TRIM36: variants seen among roughly 807,000 people sequenced by gnomAD.
TRIM36 encodes E3 ubiquitin-protein ligase TRIM36.
In TRIM36, 42 loss-of-function variants were observed where a neutral mutation model predicts 72.4. The observed-to-expected ratio is 0.58, with a 90% CI of 0.45 to 0.75. TRIM36 has a LOEUF of 0.75. TRIM36 is among the 30% of genes least tolerant of loss of function. The pLI is 0.00. For missense variants in TRIM36, 913 were observed against 857.1 expected (o/e 1.07, Z -0.81); for synonymous variants, 315 against 282.8 (o/e 1.11, Z -1.14).
At chr5:115,142,921 A>G (rs923492863) in intron 4 of TRIM36, among the ~76,000 whole-genome samples, 1 of 152,182 alleles carries the variant, frequency 6.6e-6, no homozygotes, top group Non-Finnish European at 1.5e-5. Flanking sequence ...ACACTAGTGT[A>G]TATCAGAGTC....
intron 2 of TRIM36, among the ~76,000 whole-genome samples, chr5:115,160,831 C>G (rs531115794): frequency 1.3e-5 from 2 of 152,074 alleles, no homozygotes; most frequent in African/African-American, 2.4e-5. Context: ...AGGTAACAAA[C>G]AGAGTGAGAC....
chr5:115,136,327 C>T (rs975758080), intron 7 of TRIM36, among the ~76,000 whole-genome samples: 3 of 151,882 alleles, frequency 2.0e-5, no homozygotes, highest in Non-Finnish European at 4.4e-5. Context: ...TGTGAAGACA[C>T]AAGGAGAAGA....
At chr5:115,173,962 C>T (rs930464650), upstream of TRIM36, 1 of 152,192 alleles carries the variant, frequency 6.6e-6, no homozygotes, top group African/African-American at 2.4e-5. Context: ...AGCTCTCTCA[C>T]ATCCATCTAC....
intron 2 of TRIM36, among the ~76,000 whole-genome samples, chr5:115,162,662 C>T (rs920452467): frequency 6.6e-6 from 1 of 151,886 alleles, no homozygotes; most frequent in African/African-American, 2.4e-5. Flanking sequence ...TTTCTTTGGT[C>T]AATCAAGCAT....
At chr5:115,164,408 T>G (rs1335826386) in intron 1 of TRIM36, among the ~76,000 whole-genome samples, 1 of 152,174 alleles carries the variant, frequency 6.6e-6, no homozygotes, top group Non-Finnish European at 1.5e-5. Context: ...GCTGGGTAAT[T>G]TATAAAGAAA....
At chr5:115,179,919 C>G in intron 1 of TRIM36, 2 of 1,522,950 alleles carry the variant, frequency 1.3e-6, no homozygotes, top group Non-Finnish European at 1.8e-6. Context: ...AGTGGCGGGC[C>G]AGGTAGTGCC....
rs1432836029 is a variant in TRIM36 at position 115,146,923 on chromosome 5, G to C, written c.588+146C>G. 15 of 821,884 alleles carry C rather than the reference G, an allele frequency of 1.8e-5. No homozygotes were observed. In the South Asian group the frequency reaches 2.9e-4, roughly 16 times the overall value. 50.9% of individuals were successfully genotyped at this position (821,884 alleles called of 1,614,324 possible). Reference sequence around the variant, plus strand: ...CATAGTAAGTAACTCCAGCCAACTAGGCCTTAAGTTCTTATACCTGCTTTT... The same window carrying C: ...CATAGTAAGTAACTCCAGCCAACTACGCCTTAAGTTCTTATACCTGCTTTT... On this transcript the variant is annotated intron_variant, in intron 3 of 9. Transcript: ENST00000513154.
chr5:115,169,600 G>A lies in TRIM36; in HGVS notation c.27+8C>T, dbSNP rs957746757. The A allele has an allele frequency of 1.6e-5, 24 of 1,520,648 alleles. No homozygotes were observed. In the African/African-American group the frequency reaches 3.2e-4, roughly 20 times the overall value. The allele number at this position is 1,520,648 out of a possible 1,614,324, so 94.2% of individuals were successfully genotyped here. A position where few individuals can be genotyped will look rare whatever the true frequency, so the allele number is the denominator to read the frequency against. ...CGAGGTGGGGGCGGCGGTCCCCTCC[G>A]CACTCACCGGCGAATCTGAGCCATC... On this transcript the variant is annotated splice_region_variant and intron_variant, in intron 1 of 9. Coordinates refer to ENST00000513154, the MANE Select transcript of TRIM36 (RefSeq NM_001300759.2).
rs1755006621 is a variant in TRIM36, at chr5:115,169,868, C to T, written c.-234G>A. 1 of 1,305,686 alleles carries T rather than the reference C, an allele frequency of 7.7e-7. No homozygotes were observed. The highest frequency in any genetic ancestry group is 2.9e-4 in the Middle Eastern group (1 of 3,494). The allele number at this position is 1,305,686 out of a possible 1,614,324, so 80.9% of individuals were successfully genotyped here. A position where few individuals can be genotyped will look rare whatever the true frequency, so the allele number is the denominator to read the frequency against. ...GCTCCCAGCGACTACCCCGGGAATCCCGCCCAGCTGCCGGCTGCAGCAGCG... is the reference window on the plus strand; with the variant it reads ...GCTCCCAGCGACTACCCCGGGAATCTCGCCCAGCTGCCGGCTGCAGCAGCG... On this transcript the variant is annotated 5_prime_UTR_variant, in exon 1 of 10. Transcript: ENST00000513154.
chr5:115,134,098 A>G lies in TRIM36; in HGVS notation c.1260T>C (p.Asn420=), dbSNP rs762377880. ...INEEQSKVYN[N]ALINWHHPEK... ...CTGGATGGTGCCAATTTATCAAGGC[A>G]TTGTTATAAACTTTGCTCTGTTCCT... Residue 420 remains asparagine (N), a synonymous_variant, in exon 8 of 10, where the codon AAT becomes AAC. Transcript: ENST00000513154. The G allele has an allele frequency of 2.5e-5, 40 of 1,612,856 alleles. No individual in the cohort carries two copies. The highest frequency in any genetic ancestry group is 3.1e-5 in the Non-Finnish European group (36 of 1,179,636).
chr5:115,153,989 A>G (rs1036218138), intron 2 of TRIM36, among the ~76,000 whole-genome samples: 2 of 152,206 alleles, frequency 1.3e-5, no homozygotes, highest in African/African-American at 2.4e-5. Context: ...ACTCTCTCAG[A>G]CCACAGTGGA....
intron 9 of TRIM36, among the ~76,000 whole-genome samples, chr5:115,130,102 A>G (rs1468750195): frequency 6.6e-6 from 1 of 152,212 alleles, no homozygotes; most frequent in Admixed American, 6.5e-5. Flanking sequence ...TATTCCATCT[A>G]AAAGAACTGA....
rs777659769 is a variant in TRIM36 at position 115,144,614 on chromosome 5, G to C, written c.719C>G (p.Ala240Gly). The change falls in exon 4 of 10, where the codon GCC becomes GGC. Residue 240 changes from alanine (A) to glycine (G), a missense_variant. Physicochemically the swap from Ala to Gly is moderately conservative, Grantham distance 60. Coordinates refer to ENST00000513154, the MANE Select transcript of TRIM36 (RefSeq NM_001300759.2). Reference sequence around the variant, plus strand: ...AAGTCCTACCTTTAAGGTTTTGTAGGCACTGCTCATAGTGGTTACACGGTG... The same window carrying C: ...AAGTCCTACCTTTAAGGTTTTGTAGCCACTGCTCATAGTGGTTACACGGTG... ...ANHRVTTMSSAYKTLKEKLSK... is the reference protein window; with the variant it reads ...ANHRVTTMSSGYKTLKEKLSK... 9 of 1,613,654 alleles carry C rather than the reference G, an allele frequency of 5.6e-6. No homozygotes were observed. The highest frequency in any genetic ancestry group is 7.6e-6 in the Non-Finnish European group (9 of 1,179,944).
chr5:115,164,440 T>C (rs565321638), intron 1 of TRIM36, among the ~76,000 whole-genome samples: 1 of 152,298 alleles, frequency 6.6e-6, no homozygotes, highest in East Asian at 1.9e-4. Context: ...TGACTCACAG[T>C]TCCACATGGC....
intron 3 of TRIM36, among the ~76,000 whole-genome samples, chr5:115,145,908 C>A (rs1189176964): frequency 6.6e-6 from 1 of 152,154 alleles, no homozygotes; most frequent in Non-Finnish European, 1.5e-5. Flanking sequence ...ACGTTATAGG[C>A]AAATATTCCA....
chr5:115,165,339 A>G (rs1754704493), intron 1 of TRIM36, among the ~76,000 whole-genome samples: 1 of 152,200 alleles, frequency 6.6e-6, no homozygotes. Flanking sequence ...GTTCTCCATG[A>G]GAGCTTCGCC....
At chr5:115,145,664 T>C (rs554488919) in intron 3 of TRIM36, among the ~76,000 whole-genome samples, 5 of 152,206 alleles carry the variant, frequency 3.3e-5, no homozygotes, top group African/African-American at 1.2e-4. Context: ...GAAGCTGGGA[T>C]CACAGGCATG....
intron 9 of TRIM36, among the ~76,000 whole-genome samples, chr5:115,129,331 G>C (rs1752527248): frequency 6.6e-6 from 1 of 152,214 alleles, no homozygotes; most frequent in African/African-American, 2.4e-5. Context: ...GGGAGGCTGA[G>C]GCAGGTGGAT....
rs544000151 is a variant in TRIM36, at chr5:115,162,672, T to C, written c.262+846A>G. Among the ~76,000 whole-genome samples the C allele has an allele frequency of 3.3e-5, 5 of 152,274 alleles. No individual in the cohort carries two copies. The South Asian group carries it at 1.0e-3, about 32-fold the overall frequency. The stretch of plus-strand genomic sequence containing the variant: ...AAAGTTTTCTTTGGTCAATCAAGCA[T>C]GGGTTCCCAATTAGCCAATGAAGAT... On this transcript the variant is annotated intron_variant, in intron 2 of 9. Transcript: ENST00000513154.
Sources: allele counts gnomAD v4.1 joint callset (sites outside exome capture counted in the v4.1 genomes callset), GRCh38; gene constraint gnomAD v4.1.1; transcripts MANE v1.5; gene names NCBI Gene and HGNC (gene_info 2026-07-23, HGNC 2026-07-21).